Variants in SORCS2 observed in about 807,000 individuals in gnomAD.
SORCS2 encodes the protein VPS10 domain-containing receptor SorCS2.
A neutral mutation model predicts 141.6 loss-of-function variants in SORCS2; 100 were observed. The ratio of observed to expected loss-of-function variants is 0.71; its 90% confidence interval spans 0.60 to 0.83. SORCS2 has a LOEUF of 0.83. Ranked by LOEUF, SORCS2 falls within the 40% of genes least tolerant of loss-of-function variation. The probability of loss-of-function intolerance (pLI) is 0.00; values close to 1 mark genes in which losing one functional copy is unlikely to be tolerated. For missense variants in SORCS2, 1,646 were observed against 1,560.2 expected (o/e 1.05, Z -0.93); for synonymous variants, 789 against 676.9 (o/e 1.17, Z -2.57).
rs1385828343 is a variant in SORCS2 at position 7,741,890 on chromosome 4, C to G, written c.*1626C>G. The G allele has an allele frequency of 6.6e-6, 1 of 152,264 alleles. No homozygotes were observed. Among genetic ancestry groups the G allele is most frequent in the Non-Finnish European group, 1.5e-5 (1 of 68,072 alleles). The allele number at this position is 152,264 out of a possible 1,614,324, so 9.4% of individuals were successfully genotyped here. On this transcript the variant is annotated 3_prime_UTR_variant, in exon 27 of 27. Coordinates refer to ENST00000507866, the MANE Select transcript of SORCS2 (RefSeq NM_020777.3). ...TGAATCTTCACGCCCCAAACAGTGC[C>G]CGGTGGGGAGGAGGCACCCGCTCCT...
chr4:7,454,516 T>A (rs1258279627), intron 2 of SORCS2, among the ~76,000 whole-genome samples: 2 of 109,164 alleles, frequency 1.8e-5, no homozygotes, highest in Admixed American at 9.6e-5. Flanking sequence ...TGGGGTCAGA[T>A]GCTGTGTTGG....
chr4:7,719,745 C>T (rs1486018049), intron 18 of SORCS2, among the ~76,000 whole-genome samples: 2 of 152,196 alleles, frequency 1.3e-5, no homozygotes, highest in African/African-American at 2.4e-5. Context: ...AAAAATGGCC[C>T]TCTGCTGCCC....
intron 8 of SORCS2, among the ~76,000 whole-genome samples, chr4:7,669,345 T>C (rs1221400073): frequency 6.6e-6 from 1 of 152,186 alleles, no homozygotes; most frequent in African/African-American, 2.4e-5. Context: ...CAGTTGAAGA[T>C]GATGGTCACT....
chr4:7,374,829 C>G (rs560283987), intron 1 of SORCS2, among the ~76,000 whole-genome samples: 2 of 152,104 alleles, frequency 1.3e-5, no homozygotes, highest in African/African-American at 4.8e-5. Context: ...GGGTAGACCG[C>G]GGGTGGGGGG....
intron 2 of SORCS2, among the ~76,000 whole-genome samples, chr4:7,417,922 C>A (rs943233902): frequency 4.6e-5 from 7 of 152,170 alleles, no homozygotes; most frequent in Non-Finnish European, 8.8e-5. Context: ...GTTGATGCCA[C>A]AGGAAAACAT....
At chr4:7,236,307 C>T (rs570892031) in intron 1 of SORCS2, among the ~76,000 whole-genome samples, 1 of 152,100 alleles carries the variant, frequency 6.6e-6, no homozygotes, top group Non-Finnish European at 1.5e-5. Flanking sequence ...GCAGGAGCCA[C>T]GTGGGTATCT....
intron 3 of SORCS2, among the ~76,000 whole-genome samples, chr4:7,566,849 T>G (rs1715053505): frequency 6.6e-6 from 1 of 151,592 alleles, no homozygotes; most frequent in Non-Finnish European, 1.5e-5. Context: ...CTGTCTTACC[T>G]TAGTGGATGC....
rs535886470 is a variant in SORCS2, at chr4:7,217,486, G to A, written c.480+24360G>A. Among the ~76,000 whole-genome samples the A allele has an allele frequency of 3.3e-5, 5 of 152,308 alleles. No individual in the cohort carries two copies. In the East Asian group the frequency reaches 5.8e-4, roughly 18 times the overall value. Reference sequence around the variant, plus strand: ...GGCCAGAGCCTGCAGCAGGAGGCTCGCAGGCTACATGCTTTTACTTAGGAT... The same window carrying A: ...GGCCAGAGCCTGCAGCAGGAGGCTCACAGGCTACATGCTTTTACTTAGGAT... On this transcript the variant is annotated intron_variant, in intron 1 of 26. Coordinates refer to ENST00000507866, the MANE Select transcript of SORCS2 (RefSeq NM_020777.3).
chr4:7,280,706 C>T (rs1418697461), intron 1 of SORCS2, among the ~76,000 whole-genome samples: 1 of 152,202 alleles, frequency 6.6e-6, no homozygotes, highest in African/African-American at 2.4e-5. Context: ...GCATCCTCGC[C>T]AGCATTTTGT....
At chr4:7,213,154 C>G (rs1728149017) in intron 1 of SORCS2, among the ~76,000 whole-genome samples, 1 of 152,250 alleles carries the variant, frequency 6.6e-6, no homozygotes, top group Non-Finnish European at 1.5e-5. Context: ...TAAGCCATAT[C>G]CACAATAATC....
intron 1 of SORCS2, among the ~76,000 whole-genome samples, chr4:7,308,188 G>A (rs965535939): frequency 4.6e-5 from 7 of 152,256 alleles, no homozygotes; most frequent in African/African-American, 1.2e-4. Flanking sequence ...ACCCCAGGCC[G>A]AGTCCCTGCG....
intron 1 of SORCS2, among the ~76,000 whole-genome samples, chr4:7,205,838 G>A (rs769291410): frequency 1.1e-4 from 16 of 152,322 alleles, no homozygotes; most frequent in Middle Eastern, 6.8e-3. Context: ...AGGTCAGGAA[G>A]TTTGAGACCA....
At chr4:7,649,348 A>G (rs553169936) in intron 4 of SORCS2, among the ~76,000 whole-genome samples, 49 of 104,222 alleles carry the variant, frequency 4.7e-4, no homozygotes, top group African/African-American at 1.3e-3. Context: ...GGGGGGTCCA[A>G]TGGTATCGGG....
chr4:7,581,902 AAT>A (rs1188207742), intron 3 of SORCS2, among the ~76,000 whole-genome samples: 1 of 152,228 alleles, frequency 6.6e-6, no homozygotes, highest in East Asian at 1.9e-4. Flanking sequence ...TAAATTTCTT[AAT>A]ATATCTCCTT....
chr4:7,375,739 C>G (rs1170379816), intron 1 of SORCS2, among the ~76,000 whole-genome samples: 1 of 152,206 alleles, frequency 6.6e-6, no homozygotes, highest in African/African-American at 2.4e-5. Flanking sequence ...CACCCCAAAG[C>G]CTATTAGAAG....
In SORCS2 at chr4:7,306,987, C is replaced by T. The variant is rs16839992; in HGVS notation, c.481-89301C>T. On this transcript the variant is annotated intron_variant, in intron 1 of 26. Transcript: ENST00000507866. ...CCTGCCGTGTGTCCCGGAGCTGATTCGGTGCCTGGGAGAGTCTGCAAGTCC... is the reference window on the plus strand; with the variant it reads ...CCTGCCGTGTGTCCCGGAGCTGATTTGGTGCCTGGGAGAGTCTGCAAGTCC... Among the ~76,000 whole-genome samples the T allele has an allele frequency of 6.6e-3, 1,000 of 152,318 alleles. 49 individuals are homozygous for T. Among genetic ancestry groups the T allele is most frequent in the Admixed American group, 0.058 (881 of 15,298 alleles).
At chr4:7,261,056 T>A (rs138366736) in intron 1 of SORCS2, among the ~76,000 whole-genome samples, 1 of 152,200 alleles carries the variant, frequency 6.6e-6, no homozygotes, top group East Asian at 1.9e-4. Flanking sequence ...TCTCAGAGAA[T>A]TGAAGTTCTA....
intron 3 of SORCS2, among the ~76,000 whole-genome samples, chr4:7,574,560 G>A (rs1278726389): frequency 2.0e-5 from 3 of 152,016 alleles, no homozygotes; most frequent in South Asian, 2.1e-4. Context: ...GAGACAGGGG[G>A]AAGGAGGAAG....
intron 18 of SORCS2, among the ~76,000 whole-genome samples, chr4:7,723,364 G>C (rs1726729383): frequency 6.6e-6 from 1 of 152,118 alleles, no homozygotes; most frequent in African/African-American, 2.4e-5. Flanking sequence ...GGGCCTCTGT[G>C]GGTCTCCCCC....
Sources: allele counts gnomAD v4.1 joint callset (sites outside exome capture counted in the v4.1 genomes callset), GRCh38; gene constraint gnomAD v4.1.1; transcripts MANE v1.5; gene names NCBI Gene and HGNC (gene_info 2026-07-23, HGNC 2026-07-21).